Variants in ULK4 observed in about 807,000 individuals in gnomAD.
The protein encoded by ULK4 is unc-51 like kinase 4.
A neutral mutation model predicts 160.6 loss-of-function variants in ULK4; 133 were observed. The observed-to-expected ratio is 0.83, with a 90% CI of 0.72 to 0.96. ULK4 has a LOEUF of 0.96. Among genes scored for constraint, ULK4 ranks in the 40% least tolerant of loss-of-function variants. The pLI, the probability that ULK4 is intolerant of heterozygous loss-of-function variation, is 0.00. For missense variants in ULK4, 1,580 were observed against 1,499.5 expected (o/e 1.05, Z -0.89); for synonymous variants, 534 against 539.8 (o/e 0.99, Z 0.15).
At chr3:41,292,363 T>C (rs922370481) in intron 35 of ULK4, among the ~76,000 whole-genome samples, 2 of 152,184 alleles carry the variant, frequency 1.3e-5, no homozygotes, top group African/African-American at 4.8e-5. Context: ...CCTGGACTTT[T>C]GTTCAAGCCT....
At chr3:41,442,312 T>C (rs906355357) in intron 34 of ULK4, among the ~76,000 whole-genome samples, 1 of 152,110 alleles carries the variant, frequency 6.6e-6, no homozygotes, top group South Asian at 2.1e-4. Flanking sequence ...TTTGTGATTA[T>C]AAAAGTGGTA....
At chr3:41,300,227 G>T (rs186300362) in intron 35 of ULK4, among the ~76,000 whole-genome samples, 1 of 152,158 alleles carries the variant, frequency 6.6e-6, no homozygotes, top group Non-Finnish European at 1.5e-5. Context: ...ATATATCACC[G>T]AATAAATGAG....
At chr3:41,267,941 C>T (rs1289262953) in intron 35 of ULK4, among the ~76,000 whole-genome samples, 2 of 152,164 alleles carry the variant, frequency 1.3e-5, no homozygotes, top group Non-Finnish European at 2.9e-5. Context: ...AAATAGGAGT[C>T]CAACTGTAGC....
chr3:41,901,550 A>G (rs9853142), intron 12 of ULK4, among the ~76,000 whole-genome samples: 132,070 of 142,252 alleles, frequency 0.93, 62,044 homozygotes, highest in East Asian at 1. Flanking sequence ...GCACAATCTC[A>G]GCTCACCGCA....
At chr3:41,498,619 A>G (rs932425455) in intron 32 of ULK4, among the ~76,000 whole-genome samples, 3 of 150,940 alleles carry the variant, frequency 2.0e-5, no homozygotes, top group Non-Finnish European at 4.4e-5. Context: ...TTTTTGAGAC[A>G]GAATCTCACT....
intron 35 of ULK4, among the ~76,000 whole-genome samples, chr3:41,271,609 G>A (rs1041945912): frequency 1.3e-5 from 2 of 152,124 alleles, no homozygotes; most frequent in Non-Finnish European, 2.9e-5. Context: ...GGCCAGGCTG[G>A]TCTCAAACTC....
At chr3:41,842,330 G>T (rs566647678) in intron 17 of ULK4, among the ~76,000 whole-genome samples, 1 of 151,972 alleles carries the variant, frequency 6.6e-6, no homozygotes, top group African/African-American at 2.4e-5. Flanking sequence ...GAAAAAAAAT[G>T]GTTGCAATTA....
At chr3:41,556,699 G>C (rs767414605) in intron 32 of ULK4, among the ~76,000 whole-genome samples, 14 of 151,888 alleles carry the variant, frequency 9.2e-5, no homozygotes, top group Non-Finnish European at 1.9e-4. Context: ...GTGTTAGCCA[G>C]GATGGTCTCC....
intron 31 of ULK4, among the ~76,000 whole-genome samples, chr3:41,579,746 C>T (rs557299880): frequency 6.6e-6 from 1 of 152,186 alleles, no homozygotes; most frequent in African/African-American, 2.4e-5. Context: ...CCCGTCTCGG[C>T]CTCCCAAAGT....
intron 18 of ULK4, among the ~76,000 whole-genome samples, chr3:41,827,646 G>A (rs1206839239): frequency 6.6e-6 from 1 of 152,150 alleles, no homozygotes; most frequent in Non-Finnish European, 1.5e-5. Flanking sequence ...CTGAAATTGA[G>A]GCAATAATTA....
At chr3:41,859,512 G>GA (rs1197761640) in intron 17 of ULK4, 2 of 546,854 alleles carry the variant, frequency 3.7e-6, no homozygotes, top group Non-Finnish European at 7.4e-6. Context: ...GACCCTTAGG[G>GA]ATAAACCAAG....
intron 31 of ULK4, among the ~76,000 whole-genome samples, chr3:41,599,633 C>T (rs1262368937): frequency 1.4e-5 from 2 of 146,646 alleles, no homozygotes; most frequent in Admixed American, 7.0e-5. Flanking sequence ...GGCGCGATCT[C>T]GGCTCACTGC....
intron 35 of ULK4, among the ~76,000 whole-genome samples, chr3:41,361,893 G>A (rs528359590): frequency 6.6e-6 from 1 of 152,306 alleles, no homozygotes; most frequent in South Asian, 2.1e-4. Flanking sequence ...CAGCAGGCTT[G>A]TAAAACAAGA....
chr3:41,342,923 C>T (rs1224828664), intron 35 of ULK4, among the ~76,000 whole-genome samples: 1 of 152,080 alleles, frequency 6.6e-6, no homozygotes, highest in Non-Finnish European at 1.5e-5. Context: ...AGACAAAAAC[C>T]ACATGATTAT....
intron 8 of ULK4, among the ~76,000 whole-genome samples, chr3:41,913,465 T>C (rs887454867): frequency 9.9e-5 from 15 of 152,130 alleles, no homozygotes; most frequent in Non-Finnish European, 1.9e-4. Flanking sequence ...CACCTCGTGA[T>C]CCACCCGCCT....
rs2037150377 is a variant in ULK4, at chr3:41,712,898, GA to G, written c.2634+2338del. Among the ~76,000 whole-genome samples the G allele has an allele frequency of 3.4e-5, 5 of 148,990 alleles. 1 individual carries two copies. The South Asian group carries it at 1.1e-3, about 32-fold the overall frequency. On this transcript the variant is annotated intron_variant, in intron 25 of 36. Coordinates refer to ENST00000301831, the MANE Select transcript of ULK4 (RefSeq NM_017886.4). ...AGAGCAAGACCCTGTCTCGAAAAAA[GA>G]AAAAAAGCAAAAAAACAAGCAAAAA...
At chr3:41,467,460 G>A (rs1482083410) in intron 32 of ULK4, among the ~76,000 whole-genome samples, 2 of 152,180 alleles carry the variant, frequency 1.3e-5, no homozygotes, top group Non-Finnish European at 2.9e-5. Flanking sequence ...CCAGGAGGCA[G>A]AAGTTGTAGT....
intron 29 of ULK4, among the ~76,000 whole-genome samples, chr3:41,670,575 AT>A (rs747262554): frequency 1.1e-3 from 173 of 152,164 alleles, no homozygotes; most frequent in Non-Finnish European, 2.1e-3. Flanking sequence ...ACGTATGTAT[AT>A]ATGTATATAC....
At chr3:41,926,395 C>A (rs1001386035) in intron 5 of ULK4, among the ~76,000 whole-genome samples, 3 of 152,148 alleles carry the variant, frequency 2.0e-5, no homozygotes, top group African/African-American at 7.2e-5. Flanking sequence ...TGGAGAGAAA[C>A]CAGCACAAAA....
Sources: allele counts gnomAD v4.1 joint callset (sites outside exome capture counted in the v4.1 genomes callset), GRCh38; gene constraint gnomAD v4.1.1; transcripts MANE v1.5; gene names NCBI Gene and HGNC (gene_info 2026-07-23, HGNC 2026-07-21).